The following GAB2 variants were observed in gnomAD, a reference collection of about 807,000 sequenced individuals.
GAB2 encodes the protein GRB2 associated binding protein 2.
In GAB2, 26 loss-of-function variants were observed where a neutral mutation model predicts 65.5. That is an observed-to-expected ratio of 0.40 (90% CI 0.29 to 0.55). The LOEUF is 0.55. Ranked by LOEUF, GAB2 falls within the 20% of genes least tolerant of loss-of-function variation. GAB2 has a pLI of 0.53. For synonymous variants in GAB2, 321 were observed against 329.6 expected (o/e 0.97, Z 0.28); for missense variants, 884 against 875.8 (o/e 1.01, Z -0.12).
chr11:78,250,456 C>A, intron 2 of GAB2, 56 bp from the exon 3 acceptor site: 1 of 1,501,910 alleles, frequency 6.7e-7, no homozygotes, highest in Non-Finnish European at 9.3e-7. Context: ...ATCCTTATCC[C>A]AAAGTGAGTT....
chr11:78,325,816 G>C (rs947081838), intron 1 of GAB2, among the ~76,000 whole-genome samples: 2 of 152,190 alleles, frequency 1.3e-5, no homozygotes, highest in Non-Finnish European at 2.9e-5. Flanking sequence ...AAATATGCCA[G>C]TAGTATTGCC....
rs1202945333 is a variant in GAB2, at chr11:78,367,518, T to G, written c.75+50128A>C. Among the ~76,000 whole-genome samples the G allele has an allele frequency of 3.9e-5, 6 of 152,236 alleles. No homozygotes were observed. In the East Asian group the frequency reaches 1.2e-3, roughly 29 times the overall value. ...GAAGCTGGACATTTTACGGATTTTA[T>G]GTAAGAGATCTCAGCTTTTAACAAT... On this transcript the variant is annotated intron_variant, in intron 1 of 9. Transcript: ENST00000361507.
chr11:78,326,194 T>C (rs1855820062), intron 1 of GAB2, among the ~76,000 whole-genome samples: 1 of 152,238 alleles, frequency 6.6e-6, no homozygotes, highest in Non-Finnish European at 1.5e-5. Flanking sequence ...TCTAAATAAC[T>C]TCATTAGTTT....
intron 1 of GAB2, among the ~76,000 whole-genome samples, chr11:78,387,056 G>C (rs192821710): frequency 2.8e-4 from 42 of 152,238 alleles, no homozygotes; most frequent in African/African-American, 6.0e-4. Flanking sequence ...ATCAATCAAT[G>C]AATGAGGTGG....
At chr11:78,319,396 A>C (rs1213611376) in intron 1 of GAB2, among the ~76,000 whole-genome samples, 1 of 152,220 alleles carries the variant, frequency 6.6e-6, no homozygotes. Flanking sequence ...CTGGCATCTG[A>C]CTTTAAGGTA....
chr11:78,243,676 T>C (rs749630992), intron 3 of GAB2, among the ~76,000 whole-genome samples: 1 of 148,346 alleles, frequency 6.7e-6, no homozygotes, highest in Non-Finnish European at 1.5e-5. Flanking sequence ...CTGTCTCTAC[T>C]AAAAATACAA....
At chr11:78,403,523 T>A (rs1031613283) in intron 1 of GAB2, among the ~76,000 whole-genome samples, 11 of 152,196 alleles carry the variant, frequency 7.2e-5, no homozygotes, top group Non-Finnish European at 1.3e-4. Flanking sequence ...CTAGGAAAAC[T>A]TGATATCCAT....
chr11:78,251,389 T>A (rs150836962), intron 2 of GAB2, among the ~76,000 whole-genome samples: 29 of 152,298 alleles, frequency 1.9e-4, no homozygotes, highest in Middle Eastern at 3.4e-3. Flanking sequence ...TATCTCAAGC[T>A]TTTCTCTGTT....
intron 1 of GAB2, among the ~76,000 whole-genome samples, chr11:78,341,053 A>G (rs1281526509): frequency 6.6e-6 from 1 of 152,204 alleles, no homozygotes; most frequent in Non-Finnish European, 1.5e-5. Flanking sequence ...AATGAAGTCA[A>G]GTTCATGTGC....
intron 2 of GAB2, among the ~76,000 whole-genome samples, chr11:78,263,277 T>C (rs1296630559): frequency 1.3e-5 from 2 of 152,190 alleles, no homozygotes; most frequent in Admixed American, 6.5e-5. Flanking sequence ...TATTCCTTTT[T>C]ATTAGAGCAC....
At chr11:78,264,965 G>C (rs1865836665) in intron 2 of GAB2, among the ~76,000 whole-genome samples, 1 of 152,044 alleles carries the variant, frequency 6.6e-6, no homozygotes, top group Non-Finnish European at 1.5e-5. Context: ...AGATTCAACA[G>C]ACATTTAATA....
intron 2 of GAB2, among the ~76,000 whole-genome samples, chr11:78,267,939 G>A (rs916602425): frequency 2.0e-5 from 3 of 151,100 alleles, no homozygotes; most frequent in African/African-American, 7.3e-5. Context: ...TATGAACATG[G>A]ATTGTATCTT....
chr11:78,409,259 CAAG>C (rs1161739103), intron 1 of GAB2, among the ~76,000 whole-genome samples: 2 of 152,026 alleles, frequency 1.3e-5, no homozygotes, highest in Admixed American at 1.3e-4. Context: ...GTCATGCCAC[CAAG>C]AAGATGTTGC....
intron 3 of GAB2, among the ~76,000 whole-genome samples, chr11:78,237,169 T>C (rs1865004874): frequency 6.6e-6 from 1 of 152,234 alleles, no homozygotes; most frequent in Admixed American, 6.5e-5. Context: ...CATCTGGGCA[T>C]AGTTTTCTAG....
intron 1 of GAB2, among the ~76,000 whole-genome samples, chr11:78,388,347 G>A (rs1856794269): frequency 2.0e-5 from 3 of 151,564 alleles, no homozygotes; most frequent in Admixed American, 1.3e-4. Flanking sequence ...GTTTTTTTGC[G>A]ACAGGGTCTC....
chr11:78,387,728 C>A (rs989050416), intron 1 of GAB2, among the ~76,000 whole-genome samples: 6 of 152,150 alleles, frequency 3.9e-5, no homozygotes, highest in African/African-American at 1.2e-4. Context: ...GAAAGTGAGG[C>A]TCAAAGAGAT....
intron 3 of GAB2, among the ~76,000 whole-genome samples, chr11:78,236,126 A>G (rs188118893): frequency 3.0e-4 from 46 of 152,350 alleles, no homozygotes; most frequent in South Asian, 2.7e-3. Flanking sequence ...TACCAGCAAC[A>G]TTTGATAGTT....
intron 2 of GAB2, among the ~76,000 whole-genome samples, chr11:78,261,485 G>C (rs1426588359): frequency 6.6e-6 from 1 of 152,156 alleles, no homozygotes; most frequent in Non-Finnish European, 1.5e-5. Context: ...GTGTATTTCT[G>C]TTTGGGGATA....
chr11:78,223,339 C>T (rs1182313542), intron 6 of GAB2, 73 bp downstream of exon 6: 1 of 1,288,888 alleles, frequency 7.8e-7, no homozygotes, highest in African/African-American at 1.5e-5. Flanking sequence ...CCAGGATCCA[C>T]ATGACCCCTA....
Sources: allele counts gnomAD v4.1 joint callset (sites outside exome capture counted in the v4.1 genomes callset), GRCh38; gene constraint gnomAD v4.1.1; transcripts MANE v1.5; gene names NCBI Gene and HGNC (gene_info 2026-07-23, HGNC 2026-07-21).